The following SIRT5 variants were observed in gnomAD, a reference collection of about 807,000 sequenced individuals.
The protein encoded by SIRT5 is sirtuin 5.
A neutral mutation model predicts 40.0 loss-of-function variants in SIRT5; 26 were observed. The ratio of observed to expected loss-of-function variants is 0.65; its 90% CI spans 0.48 to 0.90. SIRT5 has a LOEUF of 0.90. Ranked by LOEUF, SIRT5 falls within the 40% of genes least tolerant of loss-of-function variation. SIRT5 has a pLI of 0.00. For missense variants in SIRT5, 401 were observed against 402.4 expected (o/e 1.00, Z 0.03); for synonymous variants, 146 against 149.1 (o/e 0.98, Z 0.15).
chr6:13,597,299 C>A (rs1247006534), intron 7 of SIRT5, among the ~76,000 whole-genome samples: 1 of 151,726 alleles, frequency 6.6e-6, no homozygotes, highest in East Asian at 1.9e-4. Context: ...GGTGGTTACC[C>A]AGTGTACAGA....
chr6:13,575,913 C>T (rs141328722), intron 1 of SIRT5, among the ~76,000 whole-genome samples: 10 of 152,264 alleles, frequency 6.6e-5, no homozygotes, highest in African/African-American at 2.2e-4. Context: ...GCTGTTTGTC[C>T]TTCTGTGCCT....
At chr6:13,592,445 C>A (rs1761048719) in intron 5 of SIRT5, among the ~76,000 whole-genome samples, 1 of 152,222 alleles carries the variant, frequency 6.6e-6, no homozygotes, top group Non-Finnish European at 1.5e-5. Context: ...TGTCACTCCC[C>A]CTTCATCCTG....
Position 13,588,325 on chromosome 6 carries a change from G to GT in SIRT5, c.116-3dup. The GT allele has an allele frequency of 6.2e-7, 1 of 1,613,288 alleles. No individual in the cohort carries two copies. Among genetic ancestry groups the GT allele is most frequent in the Non-Finnish European group, 8.5e-7 (1 of 1,179,720 alleles). On this transcript the variant is annotated splice_polypyrimidine_tract_variant and splice_region_variant and intron_variant, in intron 3 of 9. Transcript: ENST00000606117. ...ACTGGATTGATAAAGATTTCACTCT[G>GT]TTTAGGTATGGCAGATTTTCGAAAG...
Position 13,613,225 on chromosome 6 carries a change from A to T in SIRT5, c.*1360A>T, listed in dbSNP as rs886656005. On this transcript the variant is annotated 3_prime_UTR_variant, in exon 10 of 10. Coordinates refer to ENST00000606117, the MANE Select transcript of SIRT5 (RefSeq NM_012241.5). ...TCACTTCTTAAGTTATTGCTGTCAG[A>T]TGCATCTGCCATACAGGGTCATTCT... 1 of 152,294 alleles carries T rather than the reference A, an allele frequency of 6.6e-6. No homozygotes were observed. Among genetic ancestry groups the T allele is most frequent in the Non-Finnish European group, 1.5e-5 (1 of 68,108 alleles). 9.4% of individuals were successfully genotyped at this position (152,294 alleles called of 1,614,324 possible).
chr6:13,587,611 G>A (rs1454779656), intron 3 of SIRT5, among the ~76,000 whole-genome samples: 3 of 152,214 alleles, frequency 2.0e-5, no homozygotes, highest in South Asian at 4.1e-4. Flanking sequence ...TCAGGCAGGA[G>A]AACTGCCTGG....
intron 3 of SIRT5, 80 bp downstream of exon 3, chr6:13,584,305 T>A: frequency 9.4e-7 from 1 of 1,064,394 alleles, no homozygotes; most frequent in Admixed American, 1.8e-5. Context: ...GGAATGTCTC[T>A]GTCAAATTAG....
At chr6:13,593,590 C>T (rs1489281806) in intron 5 of SIRT5, among the ~76,000 whole-genome samples, 6 of 151,992 alleles carry the variant, frequency 3.9e-5, no homozygotes, top group Admixed American at 3.3e-4. Context: ...AAATTTCAAA[C>T]GATGAGAACT....
intron 7 of SIRT5, among the ~76,000 whole-genome samples, chr6:13,597,608 C>T (rs547249534): frequency 2.5e-4 from 38 of 151,834 alleles, no homozygotes; most frequent in African/African-American, 8.7e-4. Context: ...TGCAATGGTA[C>T]GATCTTGGCT....
chr6:13,603,976 C>T (rs896297779), intron 9 of SIRT5, among the ~76,000 whole-genome samples: 2 of 152,076 alleles, frequency 1.3e-5, no homozygotes, highest in Non-Finnish European at 1.5e-5. Flanking sequence ...TTCATTTATA[C>T]GAAATATCTA....
chr6:13,604,339 C>A (rs887084425), intron 9 of SIRT5: 7 of 710,708 alleles, frequency 9.8e-6, no homozygotes, highest in African/African-American at 9.2e-5. Flanking sequence ...CGTAGTAATA[C>A]CGGAGCTAGG....
Position 13,591,654 on chromosome 6 carries a change from C to T in SIRT5, c.250-15C>T. 2 of 1,520,514 alleles carry T rather than the reference C, an allele frequency of 1.3e-6. No homozygotes were observed. Among genetic ancestry groups the T allele is most frequent in the East Asian group, 2.4e-5 (1 of 41,434 alleles). The allele number at this position is 1,520,514 out of a possible 1,614,324, so 94.2% of individuals were successfully genotyped here. On this transcript the variant is annotated splice_polypyrimidine_tract_variant and intron_variant, in intron 4 of 9. Transcript: ENST00000606117. ...TCTCTGCCTCCCTCACTCCTGCCTCCTCTCCCACTCCCAGGACCTGGCGAC... is the reference window on the plus strand; with the variant it reads ...TCTCTGCCTCCCTCACTCCTGCCTCTTCTCCCACTCCCAGGACCTGGCGAC...
Position 13,607,148 on chromosome 6 carries a change from AAC to A in SIRT5, c.858-4641_858-4640del, listed in dbSNP as rs1763226307. Among the ~76,000 whole-genome samples, 1 of 152,138 alleles carries A rather than the reference AAC, an allele frequency of 6.6e-6. No homozygotes were observed. Among genetic ancestry groups the A allele is most frequent in the Non-Finnish European group, 1.5e-5 (1 of 68,016 alleles). ...CCTTATTTTATAAAACAAAACAGAC[AAC>A]CAGGAAAATCAGATCCCAAGGCCCC... On this transcript the variant is annotated intron_variant, in intron 9 of 9. Transcript: ENST00000606117. This position sits in a 1 kb window ranked among gnomAD's most constrained non-coding sequence, Gnocchi z 4.0.
intron 9 of SIRT5, chr6:13,605,258 T>C: frequency 1.2e-6 from 1 of 856,096 alleles, no homozygotes; most frequent in Non-Finnish European, 1.4e-6. Flanking sequence ...GCTGTGGCCA[T>C]ATGTTTGTAT....
chr6:13,590,755 G>A (rs1201846773), intron 4 of SIRT5, among the ~76,000 whole-genome samples: 2 of 151,558 alleles, frequency 1.3e-5, no homozygotes, highest in African/African-American at 2.4e-5. Context: ...ATGTACAGTT[G>A]TGTGTATGTA....
At chr6:13,605,653 C>T (rs201540716) in intron 9 of SIRT5, 14 of 985,276 alleles carry the variant, frequency 1.4e-5, no homozygotes, top group Non-Finnish European at 1.7e-5. Flanking sequence ...TTGGTTTTGT[C>T]GTTTTCCCCA....
Position 13,596,446 on chromosome 6 carries a change from C to G in SIRT5, c.564-517C>G, listed in dbSNP as rs373961817. Among the ~76,000 whole-genome samples the G allele has an allele frequency of 2.6e-5, 4 of 152,124 alleles. No individual in the cohort carries two copies. In the East Asian group the frequency reaches 5.8e-4, roughly 22 times the overall value. On this transcript the variant is annotated intron_variant, in intron 6 of 9. Coordinates refer to ENST00000606117, the MANE Select transcript of SIRT5 (RefSeq NM_012241.5). ...CCTTGGCACACCCAGCCACTCCAGCCCTCCCCACACATGCATTCCCTCACT... is the reference window on the plus strand; with the variant it reads ...CCTTGGCACACCCAGCCACTCCAGCGCTCCCCACACATGCATTCCCTCACT...
intron 4 of SIRT5, among the ~76,000 whole-genome samples, chr6:13,590,326 CCT>C (rs1760687760): frequency 6.6e-6 from 1 of 152,136 alleles, no homozygotes; most frequent in Non-Finnish European, 1.5e-5. Context: ...CTACTCGGCT[CCT>C]TTACCAGAAA....
chr6:13,603,014 A>G (rs967078471), intron 9 of SIRT5, among the ~76,000 whole-genome samples: 3 of 152,308 alleles, frequency 2.0e-5, no homozygotes, highest in East Asian at 3.9e-4. Flanking sequence ...GCGGTGGCTC[A>G]CGCCTGTAAT....
chr6:13,597,098 A>G, intron 7 of SIRT5, 82 bp downstream of exon 7: 1 of 1,105,646 alleles, frequency 9.0e-7, no homozygotes. Context: ...CTAAACATGT[A>G]TTTGGCAAGA....
Sources: allele counts gnomAD v4.1 joint callset (sites outside exome capture counted in the v4.1 genomes callset), GRCh38; gene constraint gnomAD v4.1.1; non-coding constraint Gnocchi (gnomAD v3.1); transcripts MANE v1.5; gene names NCBI Gene and HGNC (gene_info 2026-07-23, HGNC 2026-07-21).